Variants in STARD3NL observed in about 807,000 individuals in gnomAD.
STARD3NL encodes STARD3 N-terminal like, also known as STARD3 N-terminal-like protein.
In STARD3NL, 17 loss-of-function variants were observed where a neutral mutation model predicts 30.9. The observed-to-expected ratio is 0.55, with a 90% CI of 0.38 to 0.82. STARD3NL has a LOEUF of 0.82. STARD3NL is among the 40% of genes least tolerant of loss of function. The probability of loss-of-function intolerance (pLI) is 0.00; values close to 1 mark genes in which losing one functional copy is unlikely to be tolerated. For missense variants in STARD3NL, 234 were observed against 277.6 expected (o/e 0.84, Z 1.12); for synonymous variants, 112 against 100.5 (o/e 1.11, Z -0.69).
intron 1 of STARD3NL, among the ~76,000 whole-genome samples, chr7:38,204,649 A>G (rs1323534976): frequency 1.3e-5 from 2 of 152,222 alleles, no homozygotes; most frequent in Non-Finnish European, 2.9e-5. Context: ...GCAGAACTGG[A>G]GGAGGTAGAG....
chr7:38,220,804 C>T (rs1786413223), intron 7 of STARD3NL, among the ~76,000 whole-genome samples: 3 of 152,130 alleles, frequency 2.0e-5, no homozygotes, highest in African/African-American at 4.8e-5. Flanking sequence ...TATTATTCTC[C>T]ATTAAAAAGG....
intron 1 of STARD3NL, among the ~76,000 whole-genome samples, chr7:38,179,326 C>T (rs1784151936): frequency 6.6e-6 from 1 of 152,174 alleles, no homozygotes; most frequent in Non-Finnish European, 1.5e-5. Context: ...TTGATGGATT[C>T]TGATAAGGTG....
At position 38,216,546 on chromosome 7, in the gene STARD3NL, C is replaced by G. The variant is rs115301815; in HGVS notation, c.382-479C>G. ...TTATTGAGCAAGATACTTGGTGTTCCCTGTCCTCCTTCTGTCAGTCAAGCT... is the reference window on the plus strand; with the variant it reads ...TTATTGAGCAAGATACTTGGTGTTCGCTGTCCTCCTTCTGTCAGTCAAGCT... On this transcript the variant is annotated intron_variant, in intron 4 of 8. Coordinates refer to ENST00000009041, the MANE Select transcript of STARD3NL (RefSeq NM_032016.4). 921 of 156,766 alleles carry G rather than the reference C, an allele frequency of 5.9e-3. 11 individuals are homozygous for G. The highest frequency in any genetic ancestry group is 0.022 in the African/African-American group (887 of 41,030). 9.7% of individuals were successfully genotyped at this position (156,766 alleles called of 1,614,324 possible).
intron 1 of STARD3NL, among the ~76,000 whole-genome samples, chr7:38,182,827 C>G (rs1020445269): frequency 6.6e-6 from 1 of 152,138 alleles, no homozygotes; most frequent in African/African-American, 2.4e-5. Context: ...TCTCTAGTTA[C>G]AGTTTTCAAA....
intron 1 of STARD3NL, among the ~76,000 whole-genome samples, chr7:38,190,040 A>G (rs144437926): frequency 5.3e-5 from 8 of 152,340 alleles, no homozygotes; most frequent in African/African-American, 1.9e-4. Flanking sequence ...TCTTTGCTAT[A>G]CAATAGTTAC....
intron 1 of STARD3NL, among the ~76,000 whole-genome samples, chr7:38,200,218 C>T (rs545477108): frequency 6.6e-6 from 1 of 152,186 alleles, no homozygotes; most frequent in South Asian, 2.1e-4. Context: ...TGTAGTCCTC[C>T]CCACTGTTCC....
intron 1 of STARD3NL, among the ~76,000 whole-genome samples, chr7:38,184,336 A>G (rs1047088760): frequency 3.3e-5 from 5 of 152,078 alleles, no homozygotes; most frequent in African/African-American, 9.7e-5. Flanking sequence ...GTCGCTTCCT[A>G]TAGATACTTT....
At chr7:38,207,247 A>G (rs1785535928) in intron 1 of STARD3NL, among the ~76,000 whole-genome samples, 200 bp from the exon 2 acceptor site, 2 of 152,350 alleles carry the variant, frequency 1.3e-5, no homozygotes, top group East Asian at 3.9e-4. Flanking sequence ...TTCTTTGCTA[A>G]AACAGCTATT....
intron 6 of STARD3NL, among the ~76,000 whole-genome samples, chr7:38,217,791 G>A (rs1786209612): frequency 6.6e-6 from 1 of 152,196 alleles, no homozygotes; most frequent in African/African-American, 2.4e-5. Context: ...AGCAGTTGGT[G>A]GCTTCAGATG....
chr7:38,183,940 T>C (rs966140809), intron 1 of STARD3NL, among the ~76,000 whole-genome samples: 1 of 152,224 alleles, frequency 6.6e-6, no homozygotes, highest in African/African-American at 2.4e-5. Context: ...TAGCAAGTAC[T>C]CAGATGACTT....
chr7:38,214,844 C>G (rs1428500858), intron 3 of STARD3NL, among the ~76,000 whole-genome samples, 184 bp from the exon 4 acceptor site: 1 of 151,850 alleles, frequency 6.6e-6, no homozygotes, highest in East Asian at 1.9e-4. Flanking sequence ...TAATGTGAGA[C>G]CTAATTTGCT....
At chr7:38,187,734 T>C (rs1370576800) in intron 1 of STARD3NL, among the ~76,000 whole-genome samples, 2 of 152,206 alleles carry the variant, frequency 1.3e-5, no homozygotes, top group African/African-American at 4.8e-5. Flanking sequence ...CTGATTCATA[T>C]CCAACTGCTT....
chr7:38,198,909 G>C (rs144068778), intron 1 of STARD3NL, among the ~76,000 whole-genome samples: 8 of 152,318 alleles, frequency 5.3e-5, no homozygotes, highest in Non-Finnish European at 1.0e-4. Flanking sequence ...TTCAGGCAAC[G>C]TACAGACCTG....
At chr7:38,225,125 T>C (rs1242134333) in intron 7 of STARD3NL, among the ~76,000 whole-genome samples, 1 of 152,218 alleles carries the variant, frequency 6.6e-6, no homozygotes, top group Non-Finnish European at 1.5e-5. Flanking sequence ...CATGTTTCTA[T>C]TATATGTAAT....
intron 1 of STARD3NL, among the ~76,000 whole-genome samples, chr7:38,180,039 G>A (rs1017986239): frequency 6.6e-6 from 1 of 152,260 alleles, no homozygotes; most frequent in East Asian, 1.9e-4. Context: ...GGTGTACAGG[G>A]ATTGGATCAT....
intron 4 of STARD3NL, chr7:38,216,038 G>A (rs775934308): frequency 6.6e-6 from 1 of 152,320 alleles, no homozygotes; most frequent in East Asian, 1.9e-4. Flanking sequence ...TCCCTTTCCT[G>A]AATACTCTTT....
At chr7:38,197,136 T>TTTTTTCTTTCTTTC (rs377342892) in intron 1 of STARD3NL, among the ~76,000 whole-genome samples, 94 of 112,378 alleles carry the variant, frequency 8.4e-4, no homozygotes, top group African/African-American at 3.2e-3. Context: ...GCATTACCTT[T>TTTTTTCTTTCTTTC]TTTCTTTCTT....
Position 38,217,236 on chromosome 7 carries a change from A to G in STARD3NL, c.484A>G (p.Ile162Val), listed in dbSNP as rs779669492. The G allele has an allele frequency of 6.2e-7, 1 of 1,613,866 alleles. No individual in the cohort carries two copies. Among genetic ancestry groups the G allele is most frequent in the Non-Finnish European group, 8.5e-7 (1 of 1,179,938 alleles). ...CTATGTGCTGCCCATCATTTCATTC[A>G]TCCTTGCCTGGATTGAGACGTGGTT... ...FGYVLPIISF[I>V]LAWIETWFLD... The change falls in exon 6 of 9, where the codon ATC becomes GTC. Residue 162 changes from isoleucine to valine, a missense_variant. Ile to Val is a conservative substitution (Grantham distance 29, BLOSUM62 3). Coordinates refer to ENST00000009041, the MANE Select transcript of STARD3NL (RefSeq NM_032016.4).
At chr7:38,188,901 G>A (rs1397752379) in intron 1 of STARD3NL, among the ~76,000 whole-genome samples, 4 of 152,186 alleles carry the variant, frequency 2.6e-5, no homozygotes, top group African/African-American at 9.7e-5. Flanking sequence ...ATGTCTGCCA[G>A]AGGAGTGACT....
Sources: gnomAD v4.1 joint callset for allele counts (sites outside exome capture counted in the v4.1 genomes callset) on GRCh38, gnomAD v4.1.1 for gene constraint, MANE v1.5 for transcripts, NCBI Gene and HGNC (gene_info 2026-07-23, HGNC 2026-07-21) for gene names.